Variants in RBMS3 observed in about 807,000 individuals in gnomAD.
The protein encoded by RBMS3 is RNA binding motif single stranded interacting protein 3.
RBMS3 carries 27 observed loss-of-function variants against 66.8 expected under a neutral mutation model. The observed-to-expected ratio is 0.40, with a 90% CI of 0.30 to 0.56. RBMS3 has a LOEUF of 0.56. RBMS3 is among the 20% of genes least tolerant of loss of function. The pLI, the probability that RBMS3 is intolerant of heterozygous loss-of-function variation, is 0.40. For synonymous variants in RBMS3, 188 were observed against 183.0 expected, an observed-to-expected ratio of 1.03 and a Z score of -0.22; for missense variants, 513 against 549.5, an observed-to-expected ratio of 0.93 and a Z score of 0.66.
At chr3:29,738,544 C>A (rs2054480211) in intron 4 of RBMS3, among the ~76,000 whole-genome samples, 1 of 152,144 alleles carries the variant, frequency 6.6e-6, no homozygotes, top group Non-Finnish European at 1.5e-5. Flanking sequence ...TTCTATTAAG[C>A]AAAACTTATT....
At chr3:29,527,655 C>G (rs1296201268) in intron 3 of RBMS3, among the ~76,000 whole-genome samples, 2 of 152,164 alleles carry the variant, frequency 1.3e-5, no homozygotes, top group African/African-American at 4.8e-5. Context: ...CAATTGATAA[C>G]ACCACTTTAA....
rs1447476499 is a variant in RBMS3, at chr3:29,290,546, A to AT, written c.75+8791dup. 1.6e-4 allele frequency: 25 copies of AT among 151,984 alleles called. No individual in the cohort carries two copies. In the East Asian group the frequency reaches 4.3e-3, roughly 26 times the overall value. 9.4% of individuals were successfully genotyped at this position (151,984 alleles called of 1,614,324 possible). ...ACCAATGTACACCAATTCTGACTGCATCTTTAGAAATAAGAATATTGCATT... is the reference window on the plus strand; with the variant it reads ...ACCAATGTACACCAATTCTGACTGCATTCTTTAGAAATAAGAATATTGCATT... On this transcript the variant is annotated intron_variant, in intron 1 of 14. Transcript: ENST00000383767.
intron 4 of RBMS3, among the ~76,000 whole-genome samples, chr3:29,658,016 A>G (rs1045013580): frequency 5.9e-5 from 9 of 152,228 alleles, no homozygotes; most frequent in African/African-American, 2.2e-4. Context: ...CGTAGAGTGT[A>G]GTGTTTAAGA....
intron 3 of RBMS3, among the ~76,000 whole-genome samples, chr3:29,568,604 T>G (rs965896212): frequency 6.6e-6 from 1 of 152,206 alleles, no homozygotes; most frequent in Non-Finnish European, 1.5e-5. Flanking sequence ...ATTATCCTTA[T>G]TTTTGGTTGA....
rs527620218 is a variant in RBMS3 at position 29,443,725 on chromosome 3, G to A, written c.248+8810G>A. Among the ~76,000 whole-genome samples the A allele has an allele frequency of 9.1e-4, 138 of 152,262 alleles. 1 individual carries two copies. Among genetic ancestry groups the A allele is most frequent in the Non-Finnish European group, 1.6e-3 (106 of 67,974 alleles). On this transcript the variant is annotated intron_variant, in intron 2 of 14. Transcript: ENST00000383767. ...GACGAGCAAGGAGGCTTTTGTGGAA[G>A]TACAGGAAGGAGGTGGTGATGGCTT... is the stretch of plus-strand genomic sequence containing the variant.
At chr3:29,684,813 C>CACACAG (rs1386408420) in intron 4 of RBMS3, among the ~76,000 whole-genome samples, 72 of 144,992 alleles carry the variant, frequency 5.0e-4, no homozygotes, top group African/African-American at 1.8e-3. Context: ...CACACACACA[C>CACACAG]ACAGACACAT....
intron 4 of RBMS3, among the ~76,000 whole-genome samples, chr3:29,674,737 CAAAAA>C (rs149403305): frequency 9.9e-6 from 1 of 100,894 alleles, no homozygotes; most frequent in African/African-American, 3.7e-5. Flanking sequence ...ACCACTGCTC[CAAAAA>C]AAAAAAAAAA....
At chr3:29,882,232 T>C (rs981115405) in intron 7 of RBMS3, among the ~76,000 whole-genome samples, 3 of 152,152 alleles carry the variant, frequency 2.0e-5, no homozygotes, top group Non-Finnish European at 2.9e-5. Context: ...CAGCCAGTCA[T>C]GTGGCAGAGC....
chr3:29,730,716 G>A (rs140898066), intron 4 of RBMS3, among the ~76,000 whole-genome samples: 1 of 152,222 alleles, frequency 6.6e-6, no homozygotes, highest in African/African-American at 2.4e-5. Flanking sequence ...ATTAAACTCT[G>A]AGATTTGTTT....
intron 4 of RBMS3, among the ~76,000 whole-genome samples, chr3:29,681,981 A>C (rs2051516795): frequency 6.6e-6 from 1 of 152,196 alleles, no homozygotes; most frequent in Non-Finnish European, 1.5e-5. Flanking sequence ...AACAATTTAA[A>C]AGCATTCCTT....
At chr3:29,356,508 C>G (rs1025118457) in intron 1 of RBMS3, among the ~76,000 whole-genome samples, 1 of 152,142 alleles carries the variant, frequency 6.6e-6, no homozygotes, top group African/African-American at 2.4e-5. Flanking sequence ...CTTGCTAAAA[C>G]TAGCCAGAAT....
At chr3:29,893,466 A>G (rs1341821146) in intron 8 of RBMS3, among the ~76,000 whole-genome samples, 1 of 151,462 alleles carries the variant, frequency 6.6e-6, no homozygotes, top group Non-Finnish European at 1.5e-5. Flanking sequence ...CTAAAATGTA[A>G]TGTGTGGTTT....
rs966180438 is a variant in RBMS3, at chr3:29,295,579, C to G, written c.75+13823C>G. Among the ~76,000 whole-genome samples, 3 of 151,322 alleles carry G rather than the reference C, an allele frequency of 2.0e-5. No homozygotes were observed. The East Asian group carries it at 5.9e-4, about 30-fold the overall frequency. On this transcript the variant is annotated intron_variant, in intron 1 of 14. Transcript: ENST00000383767. Reference sequence around the variant, plus strand: ...TGTGTCTTTTACAGAATTCTATATGCTCTTGCAAATAGCAATCTGACATAT... The same window carrying G: ...TGTGTCTTTTACAGAATTCTATATGGTCTTGCAAATAGCAATCTGACATAT...
chr3:29,935,705 T>C (rs1268186514), intron 10 of RBMS3, among the ~76,000 whole-genome samples: 6 of 152,116 alleles, frequency 3.9e-5, no homozygotes, highest in African/African-American at 1.4e-4. Context: ...AACCAAGTCT[T>C]ATCAAATAAC....
chr3:29,429,603 A>G (rs1418456039), intron 1 of RBMS3, among the ~76,000 whole-genome samples: 2 of 152,196 alleles, frequency 1.3e-5, no homozygotes, highest in African/African-American at 4.8e-5. Flanking sequence ...CTAAGCTGAC[A>G]CTGCAAATTC....
intron 1 of RBMS3, among the ~76,000 whole-genome samples, chr3:29,419,963 A>G (rs17666176): frequency 0.18 from 26,764 of 152,116 alleles, 2,852 homozygotes; most frequent in Non-Finnish European, 0.25. Context: ...TGCTGTCTCA[A>G]TTTAGCTTCT....
intron 10 of RBMS3, among the ~76,000 whole-genome samples, chr3:29,928,925 G>T (rs1004158867): frequency 6.6e-6 from 1 of 152,208 alleles, no homozygotes; most frequent in African/African-American, 2.4e-5. Context: ...GGAATCAGAA[G>T]CTGATGAACA....
rs944572219 is a variant in RBMS3 at position 29,407,627 on chromosome 3, T to C, written c.76-27116T>C. Among the ~76,000 whole-genome samples, 10 of 152,326 alleles carry C rather than the reference T, an allele frequency of 6.6e-5. 1 individual carries two copies. Among genetic ancestry groups the C allele is most frequent in the African/African-American group, 1.9e-4 (8 of 41,588 alleles). On this transcript the variant is annotated intron_variant, in intron 1 of 14. Transcript: ENST00000383767. ...TTCAGGGCCCAACCATTTAGCCAGG[T>C]ACTTAAATGTTTCTATATCTTTCTC...
At chr3:29,577,384 CA>C (rs1451266801) in intron 3 of RBMS3, among the ~76,000 whole-genome samples, 1 of 152,168 alleles carries the variant, frequency 6.6e-6, no homozygotes, top group Non-Finnish European at 1.5e-5. Context: ...AGGGATGGCA[CA>C]AGCATTCCTT....
Sources: allele counts gnomAD v4.1 joint callset (sites outside exome capture counted in the v4.1 genomes callset), GRCh38; gene constraint gnomAD v4.1.1; transcripts MANE v1.5; gene names NCBI Gene and HGNC (gene_info 2026-07-23, HGNC 2026-07-21).